The following CEP43 variants were observed in gnomAD, a reference collection of about 807,000 sequenced individuals.
CEP43 encodes the protein centrosomal protein 43.
Under a neutral mutation model 52.6 loss-of-function variants are expected in CEP43, and 36 were observed. The observed-to-expected ratio is 0.68, with a 90% confidence interval of 0.52 to 0.90. The LOEUF (loss-of-function observed/expected upper bound fraction) is 0.90, where lower values mean the gene tolerates loss of function less well. Ranked by LOEUF, CEP43 falls within the 40% of genes least tolerant of loss-of-function variation. The probability of loss-of-function intolerance (pLI) is 0.00; values close to 1 mark genes in which losing one functional copy is unlikely to be tolerated. For missense variants in CEP43, 506 were observed against 472.8 expected (o/e 1.07, Z -0.65); for synonymous variants, 192 against 172.4 (o/e 1.11, Z -0.89).
intron 10 of CEP43, among the ~76,000 whole-genome samples, chr6:167,030,682 A>C (rs891210206): frequency 6.6e-6 from 1 of 152,148 alleles, no homozygotes; most frequent in African/African-American, 2.4e-5. Flanking sequence ...GCCTTGACCC[A>C]AGCCTTTTAC....
intron 3 of CEP43, 126 bp downstream of exon 3, chr6:167,003,373 A>G: frequency 1.9e-6 from 1 of 531,512 alleles, no homozygotes. Flanking sequence ...TCATTTTAAA[A>G]TAATATTTTA....
chr6:167,026,631 G>A lies in CEP43; in HGVS notation c.988+16G>A, dbSNP rs750110428. Reference sequence around the variant, plus strand: ...CTTGGATTAGGTAATTAGATTTCTAGTTTTTGTGCTGATCGTTTTAAAGTG... The same window carrying A: ...CTTGGATTAGGTAATTAGATTTCTAATTTTTGTGCTGATCGTTTTAAAGTG... On this transcript the variant is annotated intron_variant, in intron 10 of 12. Transcript: ENST00000366847. 1 of 1,499,108 alleles carries A rather than the reference G, an allele frequency of 6.7e-7. No individual in the cohort carries two copies. Among genetic ancestry groups the A allele is most frequent in the Non-Finnish European group, 9.3e-7 (1 of 1,075,764 alleles). 92.9% of individuals were successfully genotyped at this position (1,499,108 alleles called of 1,614,324 possible).
chr6:167,008,703 T>C (rs542825945), intron 5 of CEP43, among the ~76,000 whole-genome samples: 1 of 152,134 alleles, frequency 6.6e-6, no homozygotes, highest in African/African-American at 2.4e-5. Flanking sequence ...TCTCAATCTC[T>C]GACCTCGTGA....
At chr6:167,029,131 G>T (rs1047036160) in intron 10 of CEP43, among the ~76,000 whole-genome samples, 1 of 152,132 alleles carries the variant, frequency 6.6e-6, no homozygotes, top group African/African-American at 2.4e-5. Context: ...TTAGTTCACA[G>T]GCTGAACAAA....
intron 12 of CEP43, chr6:167,036,865 T>A (rs1281012856): frequency 1.5e-6 from 1 of 667,756 alleles, no homozygotes; most frequent in African/African-American, 2.0e-5. Context: ...TGGAGTGCAA[T>A]GGCTGGATCT....
chr6:167,044,994 C>T lies in CEP43; in HGVS notation c.*5016C>T, dbSNP rs141138056. Reference sequence around the variant, plus strand: ...GGACAGTGGCATGCAGGAGGCCAGTCATTCTGCGGTTTTAGCTGGAGGTTT... The same window carrying T: ...GGACAGTGGCATGCAGGAGGCCAGTTATTCTGCGGTTTTAGCTGGAGGTTT... On this transcript the variant is annotated 3_prime_UTR_variant, in exon 13 of 13. Transcript: ENST00000366847. 2.0e-5 allele frequency: 3 copies of T among 152,354 alleles called. No individual in the cohort carries two copies. The highest frequency in any genetic ancestry group is 7.2e-5 in the African/African-American group (3 of 41,544). The allele number at this position is 152,354 out of a possible 1,614,324, so 9.4% of individuals were successfully genotyped here.
Position 167,041,099 on chromosome 6 carries a change from A to G in CEP43, c.*1121A>G, listed in dbSNP as rs1422298841. ...GCTGTTTTTGCACTTTATAATTTCA[A>G]TTAAGTTGCGGCTTTTTACTACAAG... On this transcript the variant is annotated 3_prime_UTR_variant, in exon 13 of 13. Transcript: ENST00000366847. The G allele has an allele frequency of 2.9e-6, 3 of 1,040,206 alleles. No homozygotes were observed. The highest frequency in any genetic ancestry group is 9.2e-5 in the South Asian group (2 of 21,778). The allele number at this position is 1,040,206 out of a possible 1,614,324, so 64.4% of individuals were successfully genotyped here.
At position 167,042,833 on chromosome 6, in the gene CEP43, T is replaced by TGTGTGTGTGTGTGTGTGTGTGTGTGC; in HGVS notation, c.*2861_*2862insGTGTGTGTGTGTGTGTGTGCGTGTGT. On this transcript the variant is annotated 3_prime_UTR_variant, in exon 13 of 13. Transcript: ENST00000366847. ...CTTATTTTGTGTGTGTGTGTGTGTGTGTGTGTTTAACTATGAGCTCGTGAG... is the reference window on the plus strand; with the variant it reads ...CTTATTTTGTGTGTGTGTGTGTGTGTGTGTGTGTGTGTGTGTGTGTGTGTGCGTGTGTTTAACTATGAGCTCGTGAG... 6.5e-6 allele frequency: 1 copy of TGTGTGTGTGTGTGTGTGTGTGTGTGC among 153,514 alleles called. No homozygotes were observed. The highest frequency in any genetic ancestry group is 1.4e-5 in the Non-Finnish European group (1 of 69,296). The allele number at this position is 153,514 out of a possible 1,614,324, so 9.5% of individuals were successfully genotyped here. A position where few individuals can be genotyped will look rare whatever the true frequency, so the allele number is the denominator to read the frequency against.
rs1255725124 is a variant in CEP43, at chr6:167,047,560, A to C, written c.*7582A>C. The stretch of plus-strand genomic sequence containing the variant: ...TCAGTAAATACTATTTTTATTAAGA[A>C]GGTAAGATTCACAGGACTTAGTGTC... On this transcript the variant is annotated 3_prime_UTR_variant, in exon 13 of 13. Transcript: ENST00000366847. The C allele has an allele frequency of 6.6e-6, 1 of 152,150 alleles. No homozygotes were observed. The highest frequency in any genetic ancestry group is 1.5e-5 in the Non-Finnish European group (1 of 68,020). The allele number at this position is 152,150 out of a possible 1,614,324, so 9.4% of individuals were successfully genotyped here.
rs546806854 is a variant in CEP43 at position 167,004,386 on chromosome 6, G to C, written c.423G>C (p.Gly141=). Residue 141 remains glycine (G), a synonymous_variant, in exon 5 of 13, where the codon GGG becomes GGC. Transcript: ENST00000366847. ...VIRRCQQKEK[G]PTTGEGALDL... ...GGCGCTGTCAACAGAAAGAAAAAGG[G>C]CCAACCACTGGGGAAGTAAGTAGAA... 4 of 1,591,380 alleles carry C rather than the reference G, an allele frequency of 2.5e-6. No individual in the cohort carries two copies. In the African/African-American group the frequency reaches 5.4e-5, roughly 22 times the overall value.
rs531766767 is a variant in CEP43, at chr6:167,035,998, C to T, written c.1125+2027C>T. The T allele has an allele frequency of 4.5e-4, 408 of 916,326 alleles. 1 individual carries two copies. The highest frequency in any genetic ancestry group is 5.0e-4 in the Non-Finnish European group (380 of 767,012). 56.8% of individuals were successfully genotyped at this position (916,326 alleles called of 1,614,324 possible). A position where few individuals can be genotyped will look rare whatever the true frequency, so the allele number is the denominator to read the frequency against. On this transcript the variant is annotated intron_variant, in intron 12 of 12. Coordinates refer to ENST00000366847, the MANE Select transcript of CEP43 (RefSeq NM_007045.4). ...AGAACAGGCATTCAATAAATGGTAT[C>T]TAATACTATTATTCATTGTAGTCAC...
chr6:167,028,081 G>A (rs73028292), intron 10 of CEP43: 15,653 of 985,488 alleles, frequency 0.016, 177 homozygotes, highest in East Asian at 0.09. Context: ...CTAAATCTCA[G>A]TGGCTAACTG....
chr6:167,007,111 G>A (rs1167695087), intron 5 of CEP43, among the ~76,000 whole-genome samples: 1 of 152,122 alleles, frequency 6.6e-6, no homozygotes, highest in Non-Finnish European at 1.5e-5. Context: ...CTTCTGTCAG[G>A]AAGGATTCAC....
In CEP43 at chr6:167,048,589, CAG is replaced by C. The variant is rs1385662873; in HGVS notation, c.*8612_*8613del. The C allele has an allele frequency of 6.6e-6, 1 of 152,134 alleles. No homozygotes were observed. Among genetic ancestry groups the C allele is most frequent in the African/African-American group, 2.4e-5 (1 of 41,430 alleles). 9.4% of individuals were successfully genotyped at this position (152,134 alleles called of 1,614,324 possible). ...AACTATCTTTCAAATTATATCAAAA[CAG>C]TGATTCATAAATTCCATGTTGCCCA... On this transcript the variant is annotated 3_prime_UTR_variant, in exon 13 of 13. Transcript: ENST00000366847.
At position 167,040,235 on chromosome 6, in the gene CEP43, T is replaced by C; in HGVS notation, c.*257T>C. 6.6e-7 allele frequency: 1 copy of C among 1,518,616 alleles called. No individual in the cohort carries two copies. Among genetic ancestry groups the C allele is most frequent in the Non-Finnish European group, 8.8e-7 (1 of 1,141,328 alleles). The allele number at this position is 1,518,616 out of a possible 1,614,324, so 94.1% of individuals were successfully genotyped here. ...ATGGAAATTGATTATCTACACTCAG[T>C]TTCATTACAGGGAAGGAACCCATGA... On this transcript the variant is annotated 3_prime_UTR_variant, in exon 13 of 13. Transcript: ENST00000366847.
At position 166,999,519 on chromosome 6, in the gene CEP43, G is replaced by A; in HGVS notation, c.102+5G>A. 7.0e-7 allele frequency: 1 copy of A among 1,432,002 alleles called. No homozygotes were observed. The highest frequency in any genetic ancestry group is 9.2e-7 in the Non-Finnish European group (1 of 1,085,336). The allele number at this position is 1,432,002 out of a possible 1,614,324, so 88.7% of individuals were successfully genotyped here. A position where few individuals can be genotyped will look rare whatever the true frequency, so the allele number is the denominator to read the frequency against. ...GGGGTCCTGAACCGCATCAAGGTGA[G>A]GCCGGAGGCTGGGGCCGGGCCTGGC... On this transcript the variant is annotated splice_donor_5th_base_variant and intron_variant, in intron 1 of 12. Coordinates refer to ENST00000366847, the MANE Select transcript of CEP43 (RefSeq NM_007045.4).
At position 167,041,754 on chromosome 6, in the gene CEP43, G is replaced by C. The variant is rs1232169199; in HGVS notation, c.*1776G>C. 2 of 983,594 alleles carry C rather than the reference G, an allele frequency of 2.0e-6. No individual in the cohort carries two copies. The highest frequency in any genetic ancestry group is 1.4e-4 in the Admixed American group (2 of 14,122). 60.9% of individuals were successfully genotyped at this position (983,594 alleles called of 1,614,324 possible). On this transcript the variant is annotated 3_prime_UTR_variant, in exon 13 of 13. Transcript: ENST00000366847. ...TGTTACGCAGAGAATCAGACCTTTT[G>C]ATAATATTTGGGAGGGTAAAAGAAA...
At position 167,047,630 on chromosome 6, in the gene CEP43, A is replaced by T. The variant is rs1448409462; in HGVS notation, c.*7652A>T. On this transcript the variant is annotated 3_prime_UTR_variant, in exon 13 of 13. Transcript: ENST00000366847. ...AAGGAGAAGAGAGAATACTTCTCGGATGATTGTTCAGTTTCTGATGAATGT... is the reference window on the plus strand; with the variant it reads ...AAGGAGAAGAGAGAATACTTCTCGGTTGATTGTTCAGTTTCTGATGAATGT... 6.6e-6 allele frequency: 1 copy of T among 152,180 alleles called. No individual in the cohort carries two copies. Among genetic ancestry groups the T allele is most frequent in the African/African-American group, 2.4e-5 (1 of 41,436 alleles). 9.4% of individuals were successfully genotyped at this position (152,180 alleles called of 1,614,324 possible).
At position 167,045,030 on chromosome 6, in the gene CEP43, G is replaced by A. The variant is rs1780770789; in HGVS notation, c.*5052G>A. 6.6e-6 allele frequency: 1 copy of A among 151,816 alleles called. No homozygotes were observed. Among genetic ancestry groups the A allele is most frequent in the Non-Finnish European group, 1.5e-5 (1 of 67,966 alleles). The allele number at this position is 151,816 out of a possible 1,614,324, so 9.4% of individuals were successfully genotyped here. ...TTTAGCTGGAGGTTTGTTTTTGGTA[G>A]TTTGTAGAATCATCAGATTTGATGA... On this transcript the variant is annotated 3_prime_UTR_variant, in exon 13 of 13. Transcript: ENST00000366847.
Sources: allele counts gnomAD v4.1 joint callset (sites outside exome capture counted in the v4.1 genomes callset), GRCh38; gene constraint gnomAD v4.1.1; transcripts MANE v1.5; gene names NCBI Gene and HGNC (gene_info 2026-07-23, HGNC 2026-07-21).